The following PARD3 variants were observed in gnomAD, a reference collection of about 807,000 sequenced individuals.
PARD3 encodes par-3 family cell polarity regulator.
In PARD3, 75 loss-of-function variants were observed where a neutral mutation model predicts 155.4. That is an observed-to-expected ratio of 0.48 (90% confidence interval 0.40 to 0.58). PARD3 has a LOEUF of 0.58. Among genes scored for constraint, PARD3 ranks in the 20% least tolerant of loss-of-function variants. PARD3 has a pLI of 0.00. For missense variants in PARD3, 1,642 were observed against 1,721.7 expected (o/e 0.95, Z 0.82); for synonymous variants, 576 against 610.5 (o/e 0.94, Z 0.83).
chr10:34,498,782 G>T (rs1170820544), intron 3 of PARD3, among the ~76,000 whole-genome samples: 1 of 151,736 alleles, frequency 6.6e-6, no homozygotes, highest in Admixed American at 6.6e-5. Flanking sequence ...GCCTCAAAAA[G>T]AAATAAAAAA....
chr10:34,150,647 G>A (rs1247571105), intron 22 of PARD3, among the ~76,000 whole-genome samples: 2 of 152,092 alleles, frequency 1.3e-5, no homozygotes, highest in East Asian at 1.9e-4. Context: ...CCTGAATCTC[G>A]CTGCTCCCTC....
chr10:34,702,157 C>T (rs1049707366), intron 1 of PARD3, among the ~76,000 whole-genome samples: 2 of 150,844 alleles, frequency 1.3e-5, no homozygotes, highest in East Asian at 2.0e-4. Context: ...AGCAACACTC[C>T]GTCTCAAAAT....
At chr10:34,737,588 G>T (rs888793527) in intron 1 of PARD3, among the ~76,000 whole-genome samples, 1 of 152,080 alleles carries the variant, frequency 6.6e-6, no homozygotes, top group South Asian at 2.1e-4. Context: ...AATCCCCAAC[G>T]CAACAGTAGA....
chr10:34,406,373 A>G (rs557410541), intron 5 of PARD3, among the ~76,000 whole-genome samples: 39 of 152,210 alleles, frequency 2.6e-4, no homozygotes, highest in Non-Finnish European at 4.6e-4. Flanking sequence ...TCCAGAAAAC[A>G]CAGTAAGAAA....
At chr10:34,439,141 G>C (rs2076336285) in intron 5 of PARD3, among the ~76,000 whole-genome samples, 1 of 152,208 alleles carries the variant, frequency 6.6e-6, no homozygotes, top group African/African-American at 2.4e-5. Flanking sequence ...TGAAAACTTT[G>C]GTGTTTGAGA....
intron 20 of PARD3, among the ~76,000 whole-genome samples, chr10:34,312,937 T>G (rs1036207241): frequency 6.6e-6 from 1 of 152,204 alleles, no homozygotes; most frequent in African/African-American, 2.4e-5. Context: ...GATTTTAACT[T>G]CTTAATATCT....
At chr10:34,588,032 C>T (rs935157840) in intron 2 of PARD3, among the ~76,000 whole-genome samples, 15 of 152,270 alleles carry the variant, frequency 9.9e-5, no homozygotes, top group Middle Eastern at 3.4e-3. Context: ...ACCCCTCTTA[C>T]GGGCCTAACC....
At chr10:34,686,894 C>A (rs1039294201) in intron 2 of PARD3, among the ~76,000 whole-genome samples, 1 of 151,554 alleles carries the variant, frequency 6.6e-6, no homozygotes, top group African/African-American at 2.4e-5. Context: ...ACTAAAAATA[C>A]AAAAATTAGC....
chr10:34,221,324 G>A (rs930959313), intron 22 of PARD3, among the ~76,000 whole-genome samples: 2 of 151,628 alleles, frequency 1.3e-5, no homozygotes, highest in African/African-American at 4.9e-5. Context: ...GGGAAGCCTG[G>A]GAGTTCCGCA....
At chr10:34,377,348 T>C (rs910274044) in intron 10 of PARD3, among the ~76,000 whole-genome samples, 1 of 152,118 alleles carries the variant, frequency 6.6e-6, no homozygotes, top group Non-Finnish European at 1.5e-5. Flanking sequence ...AGGGCTAACG[T>C]CTGTAATCCC....
chr10:34,741,604 G>A (rs757473445), intron 1 of PARD3, among the ~76,000 whole-genome samples: 92 of 152,292 alleles, frequency 6.0e-4, no homozygotes, highest in Admixed American at 1.1e-3. Context: ...GCAGAGGAGC[G>A]CAGCCATCTA....
chr10:34,452,399 T>A (rs938258025), intron 4 of PARD3, among the ~76,000 whole-genome samples: 4 of 152,176 alleles, frequency 2.6e-5, no homozygotes, highest in Non-Finnish European at 5.9e-5. Context: ...CAACTCCTAA[T>A]GAAATAATTC....
At chr10:34,752,631 T>C (rs571709863) in intron 1 of PARD3, among the ~76,000 whole-genome samples, 102 of 151,842 alleles carry the variant, frequency 6.7e-4, no homozygotes, top group Non-Finnish European at 1.1e-3. Context: ...AGTGTAATCA[T>C]TACATCAAAT....
At chr10:34,585,341 T>C (rs1484032768) in intron 2 of PARD3, among the ~76,000 whole-genome samples, 1 of 152,178 alleles carries the variant, frequency 6.6e-6, no homozygotes, top group Admixed American at 6.5e-5. Flanking sequence ...GATTACTACT[T>C]AAAATGCTTT....
Position 34,515,134 on chromosome 10 carries a change from C to T in PARD3, c.403+1845G>A, listed in dbSNP as rs971433192. 5.3e-5 allele frequency among the ~76,000 whole-genome samples: 8 copies of T among 152,232 alleles called. No homozygotes were observed. The South Asian group carries it at 6.2e-4, about 12-fold the overall frequency. On this transcript the variant is annotated intron_variant, in intron 3 of 24. Coordinates refer to ENST00000374788, the MANE Select transcript of PARD3 (RefSeq NM_001184785.2). Reference sequence around the variant, plus strand: ...CATTCCAAGCAGATATCCACTAAGTCGTAGGCTTAATGAACTAATAAAAAA... The same window carrying T: ...CATTCCAAGCAGATATCCACTAAGTTGTAGGCTTAATGAACTAATAAAAAA...
intron 3 of PARD3, among the ~76,000 whole-genome samples, chr10:34,502,948 G>C (rs1458864561): frequency 1.3e-5 from 2 of 152,046 alleles, no homozygotes; most frequent in Non-Finnish European, 2.9e-5. Context: ...CCTCATAAGG[G>C]ATCCAACTGA....
chr10:34,656,847 T>C (rs759915816), intron 2 of PARD3, among the ~76,000 whole-genome samples: 5 of 152,224 alleles, frequency 3.3e-5, no homozygotes, highest in Non-Finnish European at 7.3e-5. Context: ...AAGGCCTTGT[T>C]AGCGCTCTTG....
At chr10:34,252,165 G>A (rs1368595232) in intron 22 of PARD3, among the ~76,000 whole-genome samples, 1 of 152,146 alleles carries the variant, frequency 6.6e-6, no homozygotes, top group East Asian at 1.9e-4. Context: ...GTGTGGTCAC[G>A]TCAACTAACA....
At chr10:34,344,681 C>G (rs1243090030) in intron 15 of PARD3, 31 of 985,378 alleles carry the variant, frequency 3.1e-5, no homozygotes, top group Non-Finnish European at 3.6e-5. Context: ...AGCCCCACTA[C>G]AGGTTACTTT....
Sources: gnomAD v4.1 joint callset for allele counts (sites outside exome capture counted in the v4.1 genomes callset) on GRCh38, gnomAD v4.1.1 for gene constraint, MANE v1.5 for transcripts, NCBI Gene and HGNC (gene_info 2026-07-23, HGNC 2026-07-21) for gene names.